The following ADH4 variants were observed in gnomAD, a reference collection of about 807,000 sequenced individuals.
ADH4 encodes the protein all-trans-retinol dehydrogenase [NAD(+)] ADH4.
A neutral mutation model predicts 35.2 loss-of-function variants in ADH4; 31 were observed. The observed-to-expected ratio is 0.88, with a 90% CI of 0.66 to 1.19. The LOEUF (loss-of-function observed/expected upper bound fraction) is 1.19, where lower values mean the gene tolerates loss of function less well. ADH4 is among the 50% of genes most tolerant of loss of function. The probability of loss-of-function intolerance (pLI) is 0.00; values close to 1 mark genes in which losing one functional copy is unlikely to be tolerated. For synonymous variants in ADH4, 171 were observed against 160.2 expected, an observed-to-expected ratio of 1.07 and a Z score of -0.51; for missense variants, 476 against 458.3, an observed-to-expected ratio of 1.04 and a Z score of -0.35.
intron 8 of ADH4, among the ~76,000 whole-genome samples, chr4:99,125,387 A>G (rs747051647): frequency 6.6e-6 from 1 of 152,102 alleles, no homozygotes; most frequent in Non-Finnish European, 1.5e-5. Context: ...AATGTGGGAG[A>G]CTTGCCCATA....
chr4:99,139,226 C>T, intron 3 of ADH4, 78 bp from the exon 4 acceptor site: 1 of 904,482 alleles, frequency 1.1e-6, no homozygotes, highest in Non-Finnish European at 1.7e-6. Flanking sequence ...GTGGAAAACA[C>T]CTTTTCTTTA....
chr4:99,139,748 C>A (rs56295995), intron 3 of ADH4, among the ~76,000 whole-genome samples: 1 of 151,992 alleles, frequency 6.6e-6, no homozygotes, highest in Non-Finnish European at 1.5e-5. Context: ...CTCTTTGAGA[C>A]GAGCCCTATT....
rs770056502 is a variant in ADH4 at position 99,124,414 on chromosome 4, A to G, written c.*28T>C. 55 of 1,466,652 alleles carry G rather than the reference A, an allele frequency of 3.8e-5. No individual in the cohort carries two copies. The highest frequency in any genetic ancestry group is 5.0e-5 in the Non-Finnish European group (53 of 1,057,468). 90.9% of individuals were successfully genotyped at this position (1,466,652 alleles called of 1,614,324 possible). On this transcript the variant is annotated 3_prime_UTR_variant, in exon 9 of 9. Coordinates refer to ENST00000265512, the MANE Select transcript of ADH4 (RefSeq NM_000670.5). ...ACCAGGCAGGTTCACATTCAATCAG[A>G]TAGTATTCTGAATTGCTCCTGGCAT...
At chr4:99,138,071 T>C (rs919954695) in intron 4 of ADH4, among the ~76,000 whole-genome samples, 3 of 152,202 alleles carry the variant, frequency 2.0e-5, no homozygotes, top group African/African-American at 7.2e-5. Flanking sequence ...TAAATTAGTA[T>C]TTTTGATCTA....
intron 4 of ADH4, among the ~76,000 whole-genome samples, chr4:99,136,982 T>C (rs1729454834): frequency 6.6e-6 from 1 of 151,930 alleles, no homozygotes; most frequent in Non-Finnish European, 1.5e-5. Flanking sequence ...GAGTTTTTGC[T>C]CTTGTTGCCT....
chr4:99,135,938 T>C (rs1183055769), intron 5 of ADH4, among the ~76,000 whole-genome samples: 1 of 152,134 alleles, frequency 6.6e-6, no homozygotes, highest in African/African-American at 2.4e-5. Context: ...CAGGGACACA[T>C]CTGGTCAACA....
At chr4:99,141,385 C>G (rs1413547304) in intron 3 of ADH4, among the ~76,000 whole-genome samples, 156 bp downstream of exon 3, 1 of 152,154 alleles carries the variant, frequency 6.6e-6, no homozygotes, top group Admixed American at 6.5e-5. Flanking sequence ...TGTCCTATTG[C>G]TAGACTGTGA....
At chr4:99,127,474 T>C (rs993772916) in intron 6 of ADH4, 130 bp from the exon 7 acceptor site, 1 of 647,256 alleles carries the variant, frequency 1.5e-6, no homozygotes, top group Non-Finnish European at 2.5e-6. Context: ...TTCAAGCTAA[T>C]GACATCATAG....
intron 5 of ADH4, among the ~76,000 whole-genome samples, chr4:99,134,188 G>T (rs1189379896): frequency 2.0e-5 from 3 of 152,058 alleles, no homozygotes; most frequent in Admixed American, 1.3e-4. Context: ...TTGGTCAAAG[G>T]TTACAAAATT....
chr4:99,143,115 T>G, intron 1 of ADH4: 1 of 701,114 alleles, frequency 1.4e-6, no homozygotes, highest in Non-Finnish European at 2.6e-6. Flanking sequence ...ATAAGGTAGA[T>G]GGCCTATAAA....
At chr4:99,141,502 A>C (rs1442534282) in intron 3 of ADH4, 39 bp downstream of exon 3, 1 of 1,582,060 alleles carries the variant, frequency 6.3e-7, no homozygotes, top group Non-Finnish European at 8.6e-7. Flanking sequence ...TCTCTGAAAT[A>C]TTGTGACATT....
At chr4:99,135,710 G>T (rs1304069478) in intron 5 of ADH4, among the ~76,000 whole-genome samples, 2 of 152,100 alleles carry the variant, frequency 1.3e-5, no homozygotes, top group African/African-American at 4.8e-5. Flanking sequence ...TCACCCTGAG[G>T]GAAAAATGAA....
In ADH4 at chr4:99,141,668, A is replaced by G. The variant is rs2032349; in HGVS notation, c.135T>C (p.Ser45=). The G allele has an allele frequency of 0.97, 1,565,030 of 1,613,892 alleles. 759,040 individuals are homozygous for G. The highest frequency in any genetic ancestry group is 1 in the East Asian group (44,856 of 44,864). ...TAACAGTGGCATCAGTATGGCACAG[A>G]GAGGTAGCAATGATCTACAAGGCAA... ...HEVRIQIIAT[S]LCHTDATVID... The change falls in exon 3 of 9, where the codon TCT becomes TCC. Residue 45 remains serine, a synonymous_variant. Transcript: ENST00000265512.
rs1126671 is a variant in ADH4 at position 99,127,263 on chromosome 4, T to C, written c.925A>G (p.Ile309Val). 0.72 allele frequency: 1,162,511 copies of C among 1,610,424 alleles called. 423,736 individuals carry two copies. The highest frequency in any genetic ancestry group is 1 in the East Asian group (44,686 of 44,764). The change falls in exon 7 of 9, where the codon ATT (isoleucine) becomes GTT (valine). Residue 309 changes from isoleucine to valine, a missense_variant. Ile to Val is a conservative substitution (Grantham distance 29). Coordinates refer to ENST00000265512, the MANE Select transcript of ADH4 (RefSeq NM_000670.5). Reference protein sequence around the residue: ...GVAAGSKGLTIFPEELIIGRT... With the variant: ...GVAAGSKGLTVFPEELIIGRT... ...CCGATTATTAGCTCCTCTGGAAAAA[T>C]AGTCAATCCTTTGCTACCAGCAGCT...
chr4:99,127,160 A>T, intron 7 of ADH4, 49 bp downstream of exon 7: 1 of 1,484,848 alleles, frequency 6.7e-7, no homozygotes, highest in Non-Finnish European at 9.1e-7. Context: ...TAAGAATTTC[A>T]GAACTACTAG....
At chr4:99,129,318 G>A (rs1023349094) in intron 6 of ADH4, among the ~76,000 whole-genome samples, 4 of 151,868 alleles carry the variant, frequency 2.6e-5, no homozygotes, top group African/African-American at 7.3e-5. Context: ...TATTTAAAAG[G>A]AAAAAATTAG....
Position 99,127,255 on chromosome 4 carries a change from T to C in ADH4, c.933A>G (p.Pro311=), listed in dbSNP as rs1729126841. Residue 311 remains proline, a synonymous_variant, in exon 7 of 9, where the codon CCA becomes CCG. Coordinates refer to ENST00000265512, the MANE Select transcript of ADH4 (RefSeq NM_000670.5). ...AAGSKGLTIF[P]EELIIGRTIN... ...TAGTACGGCCGATTATTAGCTCCTC[T>C]GGAAAAATAGTCAATCCTTTGCTAC... The C allele has an allele frequency of 6.2e-7, 1 of 1,611,700 alleles. No individual in the cohort carries two copies. Among genetic ancestry groups the C allele is most frequent in the Non-Finnish European group, 8.5e-7 (1 of 1,178,658 alleles).
In ADH4 at chr4:99,131,757, G is replaced by C. The variant is rs1729281763; in HGVS notation, c.590C>G (p.Pro197Arg). Reference sequence around the variant, plus strand: ...GCCAAAGACAGCACAAGTCGAACCAGGGGTGACCTGCAAGCAGGAAAATTA... The same window carrying C: ...GCCAAAGACAGCACAAGTCGAACCACGGGTGACCTGCAAGCAGGAAAATTA... ...GAAINNAKVT[P>R]GSTCAVFGLG... The change falls in exon 6 of 9, where the codon CCT becomes CGT. Residue 197 changes from proline (P) to arginine (R), a missense_variant. Transcript: ENST00000265512. 6.2e-7 allele frequency: 1 copy of C among 1,610,814 alleles called. No homozygotes were observed. Among genetic ancestry groups the C allele is most frequent in the Non-Finnish European group, 8.5e-7 (1 of 1,178,914 alleles).
At chr4:99,135,786 G>C (rs1162853652) in intron 5 of ADH4, among the ~76,000 whole-genome samples, 1 of 152,198 alleles carries the variant, frequency 6.6e-6, no homozygotes, top group African/African-American at 2.4e-5. Context: ...GCATTTTGCG[G>C]TTTTGAGTCA....
Sources: gnomAD v4.1 joint callset for allele counts (sites outside exome capture counted in the v4.1 genomes callset) on GRCh38, gnomAD v4.1.1 for gene constraint, MANE v1.5 for transcripts, NCBI Gene and HGNC (gene_info 2026-07-23, HGNC 2026-07-21) for gene names.